Variants in PSD3 observed in about 807,000 individuals in gnomAD.
PSD3 encodes pleckstrin and Sec7 domain containing 3.
Under a neutral mutation model 105.5 loss-of-function variants are expected in PSD3, and 49 were observed. The observed-to-expected ratio is 0.46, with a 90% confidence interval of 0.37 to 0.59. The LOEUF is 0.59. PSD3 is among the 20% of genes least tolerant of loss of function. The probability of loss-of-function intolerance (pLI) is 0.00; values close to 1 mark genes in which losing one functional copy is unlikely to be tolerated. For missense variants in PSD3, 1,561 were observed against 1,263.8 expected, an observed-to-expected ratio of 1.24 and a Z score of -3.57; for synonymous variants, 557 against 457.8, an observed-to-expected ratio of 1.22 and a Z score of -2.77.
In PSD3 at chr8:18,815,130, T is replaced by C. The variant is rs1812102781; in HGVS notation, c.1635-10232A>G. Among the ~76,000 whole-genome samples, 3 of 152,202 alleles carry C rather than the reference T, an allele frequency of 2.0e-5. No individual in the cohort carries two copies. In the South Asian group the frequency reaches 6.2e-4, roughly 31 times the overall value. On this transcript the variant is annotated intron_variant, in intron 4 of 15. Coordinates refer to ENST00000327040, the MANE Select transcript of PSD3 (RefSeq NM_015310.4). ...CTTGATTAGGTAATAAATGCTACAA[T>C]CTAGCCAGGGAATATTAGAGAAGTT...
chr8:18,617,289 G>C (rs1805767565), intron 11 of PSD3, among the ~76,000 whole-genome samples: 1 of 152,102 alleles, frequency 6.6e-6, no homozygotes, highest in Non-Finnish European at 1.5e-5. Context: ...CCACCATTTT[G>C]GGAGGCTGAG....
chr8:18,821,717 A>ACACACCC (rs1554513425), intron 4 of PSD3, among the ~76,000 whole-genome samples: 4 of 141,120 alleles, frequency 2.8e-5, no homozygotes, highest in Admixed American at 2.1e-4. Flanking sequence ...ACACACACAC[A>ACACACCC]CCCCAATAAC....
intron 4 of PSD3, among the ~76,000 whole-genome samples, chr8:18,843,359 C>G (rs1814815232): frequency 6.6e-6 from 1 of 151,398 alleles, no homozygotes; most frequent in Non-Finnish European, 1.5e-5. Flanking sequence ...AGTTATTGCT[C>G]TAGGTAGACA....
Position 18,815,096 on chromosome 8 carries a change from C to T in PSD3, c.1635-10198G>A, listed in dbSNP as rs1586104392. Among the ~76,000 whole-genome samples, 5 of 152,272 alleles carry T rather than the reference C, an allele frequency of 3.3e-5. 1 individual carries two copies. The highest frequency in any genetic ancestry group is 3.3e-4 in the Admixed American group (5 of 15,292). On this transcript the variant is annotated intron_variant, in intron 4 of 15. Transcript: ENST00000327040. Reference sequence around the variant, plus strand: ...AATATGAATTTAGTTTGATCAAATACTCTCCTTTCTTGATTAGGTAATAAA... The same window carrying T: ...AATATGAATTTAGTTTGATCAAATATTCTCCTTTCTTGATTAGGTAATAAA...
At chr8:18,577,737 C>G (rs1418665225) in intron 12 of PSD3, among the ~76,000 whole-genome samples, 9 of 152,004 alleles carry the variant, frequency 5.9e-5, no homozygotes, top group Admixed American at 5.9e-4. Context: ...ATGTTTTGTT[C>G]TGCAATCTTA....
chr8:18,946,480 G>A (rs1026582361), intron 1 of PSD3, among the ~76,000 whole-genome samples: 5 of 152,176 alleles, frequency 3.3e-5, no homozygotes, highest in Admixed American at 6.5e-5. Context: ...ACTCAGGAGC[G>A]TGAGGGAGGA....
rs374228700 is a variant in PSD3, at chr8:18,936,015, G to A, written c.130+19C>T. 8 of 1,463,616 alleles carry A rather than the reference G, an allele frequency of 5.5e-6. No homozygotes were observed. Among genetic ancestry groups the A allele is most frequent in the Non-Finnish European group, 7.7e-6 (8 of 1,045,588 alleles). The allele number at this position is 1,463,616 out of a possible 1,614,324, so 90.7% of individuals were successfully genotyped here. On this transcript the variant is annotated intron_variant, in intron 2 of 15. Transcript: ENST00000327040. ...CTTCATATAGTTTACCTGGGAGAGG[G>A]ATATGAGGAAATACTTACTAGTATC...
Position 18,532,190 on chromosome 8 carries a change from G to C in PSD3, c.*3553C>G, listed in dbSNP as rs1419630298. On this transcript the variant is annotated 3_prime_UTR_variant, in exon 16 of 16. Transcript: ENST00000327040. ...TTCCCAGATCTTTACATGATAGAGG[G>C]AGCAATAGGCAAAGGACAGTAGAAA... 1 of 152,220 alleles carries C rather than the reference G, an allele frequency of 6.6e-6. No homozygotes were observed. The highest frequency in any genetic ancestry group is 1.5e-5 in the Non-Finnish European group (1 of 68,058). The allele number at this position is 152,220 out of a possible 1,614,324, so 9.4% of individuals were successfully genotyped here. A position where few individuals can be genotyped will look rare whatever the true frequency, so the allele number is the denominator to read the frequency against.
chr8:18,674,420 T>G (rs1294442424), intron 9 of PSD3, among the ~76,000 whole-genome samples: 2 of 152,232 alleles, frequency 1.3e-5, no homozygotes, highest in Non-Finnish European at 2.9e-5. Flanking sequence ...TTTCAAAGTT[T>G]GCTGATGTTT....
chr8:18,930,344 A>G (rs1821659890), intron 2 of PSD3, among the ~76,000 whole-genome samples: 2 of 152,206 alleles, frequency 1.3e-5, no homozygotes, highest in Admixed American at 1.3e-4. Context: ...AATATTTTGA[A>G]ACGCACACTG....
rs182704724 is a variant in PSD3, at chr8:18,633,699, G to T, written c.2217-893C>A. Among the ~76,000 whole-genome samples the T allele has an allele frequency of 2.4e-3, 361 of 152,210 alleles. 2 individuals are homozygous for T. Among genetic ancestry groups the T allele is most frequent in the African/African-American group, 8.4e-3 (349 of 41,534 alleles). ...AGGTTAATTCCATGATTTTGCTACT[G>T]TGAATAGGGCTGCAATAAACCTATG... is the stretch of plus-strand genomic sequence containing the variant. On this transcript the variant is annotated intron_variant, in intron 10 of 15. Transcript: ENST00000327040.
At chr8:18,674,356 TC>T (rs1799956212) in intron 9 of PSD3, among the ~76,000 whole-genome samples, 1 of 152,172 alleles carries the variant, frequency 6.6e-6, no homozygotes, top group Admixed American at 6.5e-5. Context: ...GTATTTGGCA[TC>T]CAGTTTTTTT....
chr8:18,888,497 G>A (rs997688659), intron 2 of PSD3, among the ~76,000 whole-genome samples: 2 of 151,036 alleles, frequency 1.3e-5, no homozygotes, highest in South Asian at 2.1e-4. Flanking sequence ...AAAAAAAAAC[G>A]GGAATAATAA....
intron 4 of PSD3, among the ~76,000 whole-genome samples, chr8:18,831,497 A>G (rs907180617): frequency 6.6e-6 from 1 of 152,170 alleles, no homozygotes; most frequent in Admixed American, 6.5e-5. Context: ...CGAGGCAGGC[A>G]GATCACCCGA....
chr8:18,909,548 C>T (rs1246602545), intron 2 of PSD3, among the ~76,000 whole-genome samples: 2 of 152,110 alleles, frequency 1.3e-5, no homozygotes, highest in Non-Finnish European at 2.9e-5. Context: ...GGCATGATCT[C>T]GGCTCACTGC....
In PSD3 at chr8:18,533,737, G is replaced by C. The variant is rs1298380667; in HGVS notation, c.*2006C>G. 6.6e-6 allele frequency: 1 copy of C among 152,070 alleles called. No homozygotes were observed. The highest frequency in any genetic ancestry group is 1.5e-5 in the Non-Finnish European group (1 of 68,028). The allele number at this position is 152,070 out of a possible 1,614,324, so 9.4% of individuals were successfully genotyped here. Reference sequence around the variant, plus strand: ...CATTTAGGCAGAAAACAAATATCCTGATAATTTAGATTATCAGGTAGAAAG... The same window carrying C: ...CATTTAGGCAGAAAACAAATATCCTCATAATTTAGATTATCAGGTAGAAAG... On this transcript the variant is annotated 3_prime_UTR_variant, in exon 16 of 16. Coordinates refer to ENST00000327040, the MANE Select transcript of PSD3 (RefSeq NM_015310.4).
At chr8:18,976,806 T>A (rs1353595029) in intron 1 of PSD3, among the ~76,000 whole-genome samples, 1 of 152,204 alleles carries the variant, frequency 6.6e-6, no homozygotes, top group African/African-American at 2.4e-5. Flanking sequence ...ATGACAATAT[T>A]GCCGCATTGC....
At chr8:18,961,612 A>G (rs1035425813) in intron 1 of PSD3, among the ~76,000 whole-genome samples, 1 of 151,952 alleles carries the variant, frequency 6.6e-6, no homozygotes, top group Admixed American at 6.6e-5. Flanking sequence ...AATTGCTTCA[A>G]CCCAGGAGGC....
chr8:18,889,185 C>T (rs866138811), intron 2 of PSD3, among the ~76,000 whole-genome samples: 1 of 152,228 alleles, frequency 6.6e-6, no homozygotes, highest in Non-Finnish European at 1.5e-5. Context: ...TCTTTTACAG[C>T]ACCATCTCTT....
Sources: gnomAD v4.1 joint callset for allele counts (sites outside exome capture counted in the v4.1 genomes callset) on GRCh38, gnomAD v4.1.1 for gene constraint, MANE v1.5 for transcripts, NCBI Gene and HGNC (gene_info 2026-07-23, HGNC 2026-07-21) for gene names.